Variants in FHIP1A observed in about 807,000 individuals in gnomAD.
FHIP1A encodes the protein FHF complex subunit HOOK interacting protein 1A.
In FHIP1A, 61 loss-of-function variants were observed where a neutral mutation model predicts 88.6. The ratio of observed to expected loss-of-function variants is 0.69; its 90% CI spans 0.56 to 0.85. The LOEUF (loss-of-function observed/expected upper bound fraction) is 0.85. Among genes scored for constraint, FHIP1A ranks in the 40% least tolerant of loss-of-function variants. The pLI is 0.00. For missense variants in FHIP1A, 1,154 were observed against 1,273.5 expected (o/e 0.91, Z 1.43); for synonymous variants, 478 against 496.0 (o/e 0.96, Z 0.48).
At chr4:151,487,244 T>C (rs950486091) in intron 3 of FHIP1A, among the ~76,000 whole-genome samples, 2 of 152,194 alleles carry the variant, frequency 1.3e-5, no homozygotes, top group African/African-American at 4.8e-5. Flanking sequence ...ATGTCATTCA[T>C]ATTTTTGTTT....
chr4:151,460,715 T>C (rs1358126575), intron 2 of FHIP1A, among the ~76,000 whole-genome samples: 1 of 152,246 alleles, frequency 6.6e-6, no homozygotes. Context: ...AATTGCCTGC[T>C]TAAAATTTTT....
At chr4:151,587,902 A>G (rs1028086723) in intron 6 of FHIP1A, among the ~76,000 whole-genome samples, 1 of 152,112 alleles carries the variant, frequency 6.6e-6, no homozygotes, top group Non-Finnish European at 1.5e-5. Context: ...GGAAATAAAA[A>G]AGATGGAACT....
intron 3 of FHIP1A, among the ~76,000 whole-genome samples, chr4:151,510,289 G>A (rs1730982235): frequency 6.6e-6 from 1 of 151,768 alleles, no homozygotes; most frequent in Non-Finnish European, 1.5e-5. Context: ...TCAATTTTTT[G>A]TAGAGATGGG....
chr4:151,495,324 G>A (rs564636677), intron 3 of FHIP1A, among the ~76,000 whole-genome samples: 7 of 152,070 alleles, frequency 4.6e-5, no homozygotes, highest in Admixed American at 6.5e-5. Context: ...CCAACATGGC[G>A]AAACTCCATC....
chr4:151,425,012 C>G (rs910903143), intron 1 of FHIP1A, among the ~76,000 whole-genome samples: 2 of 152,116 alleles, frequency 1.3e-5, no homozygotes, highest in African/African-American at 4.8e-5. Context: ...TGATGGGGAA[C>G]TTTATAGCTG....
chr4:151,650,259 A>G lies in FHIP1A; in HGVS notation c.2218A>G (p.Asn740Asp). ...TGCCCCTGAGGCAGAGCACAGCTCT[A>G]ACCTGACAGCCGCCCACCCGGAGAG... Reference protein sequence around the residue: ...SPAPEAEHSSNLTAAHPESEE... With the variant: ...SPAPEAEHSSDLTAAHPESEE... Residue 740 changes from asparagine (N) to aspartate (D), a missense_variant, in exon 11 of 14, where the codon AAC (asparagine) becomes GAC (aspartate). By Grantham distance (23) the Asn-to-Asp change is conservative (BLOSUM62 1). Transcript: ENST00000435205. 1 of 1,551,746 alleles carries G rather than the reference A, an allele frequency of 6.4e-7. No homozygotes were observed. The highest frequency in any genetic ancestry group is 8.7e-7 in the Non-Finnish European group (1 of 1,146,998).
At position 151,578,018 on chromosome 4, in the gene FHIP1A, T is replaced by C; in HGVS notation, c.674T>C (p.Leu225Pro). Reference sequence around the variant, plus strand: ...GATGCATTGCTCTTCATCATGTCTCTTTCTGCTGAGAACACCATGGTGGCC... The same window carrying C: ...GATGCATTGCTCTTCATCATGTCTCCTTCTGCTGAGAACACCATGGTGGCC... ...ARDALLFIMS[L>P]SAENTMVAHH... is the part of the protein sequence containing the mutation. Residue 225 changes from leucine (L) to proline (P), a missense_variant, in exon 5 of 14, where the codon CTT becomes CCT. Coordinates refer to ENST00000435205, the MANE Select transcript of FHIP1A (RefSeq NM_001109977.3). 1 of 1,551,304 alleles carries C rather than the reference T, an allele frequency of 6.4e-7. No homozygotes were observed.
At chr4:151,574,436 AAAGTT>A (rs747821623) in intron 4 of FHIP1A, among the ~76,000 whole-genome samples, 174 of 152,238 alleles carry the variant, frequency 1.1e-3, no homozygotes, top group Non-Finnish European at 1.8e-3. Context: ...AATATAAATG[AAAGTT>A]AATGAGAAAA....
At chr4:151,535,057 G>A (rs539124334) in intron 3 of FHIP1A, among the ~76,000 whole-genome samples, 24 of 152,120 alleles carry the variant, frequency 1.6e-4, no homozygotes, top group African/African-American at 5.8e-4. Flanking sequence ...TCTACAAAAA[G>A]TAAAAAAATC....
chr4:151,473,614 C>G (rs552072569), intron 2 of FHIP1A, among the ~76,000 whole-genome samples: 1 of 152,100 alleles, frequency 6.6e-6, no homozygotes, highest in Non-Finnish European at 1.5e-5. Flanking sequence ...TTTTACCTCT[C>G]TCTGTGTGAA....
rs573822285 is a variant in FHIP1A at position 151,528,130 on chromosome 4, G to C, written c.-122-38008G>C. On this transcript the variant is annotated intron_variant, in intron 3 of 13. Transcript: ENST00000435205. ...TACTTTGTCAATACAGCAGCTGCTT[G>C]GTTCTTTTGGTGACTGAAGGAAGAG... Among the ~76,000 whole-genome samples the C allele has an allele frequency of 3.1e-3, 478 of 152,278 alleles. 2 individuals are homozygous for C. The highest frequency in any genetic ancestry group is 0.011 in the African/African-American group (458 of 41,566).
rs17027764 is a variant in FHIP1A at position 151,662,454 on chromosome 4, T to G, written c.2870-47T>G. 10,309 of 1,466,152 alleles carry G rather than the reference T, an allele frequency of 7.0e-3. 546 individuals are homozygous for G. The African/African-American group carries it at 0.12, about 18-fold the overall frequency. The allele number at this position is 1,466,152 out of a possible 1,614,324, so 90.8% of individuals were successfully genotyped here. A position where few individuals can be genotyped will look rare whatever the true frequency, so the allele number is the denominator to read the frequency against. ...ACATGCTTCACTGAAGAGGGTGGAT[T>G]AGAAGGCTATGGAGGGACACCATGA... On this transcript the variant is annotated intron_variant, in intron 13 of 13. Coordinates refer to ENST00000435205, the MANE Select transcript of FHIP1A (RefSeq NM_001109977.3).
intron 2 of FHIP1A, among the ~76,000 whole-genome samples, chr4:151,475,939 G>T (rs1278501795): frequency 6.7e-6 from 1 of 148,994 alleles, no homozygotes; most frequent in African/African-American, 2.5e-5. Context: ...TTGGCTCACT[G>T]CAGCCTCCGC....
Position 151,566,187 on chromosome 4 carries a change from G to GA in FHIP1A, c.-70dup. The GA allele has an allele frequency of 1.2e-6, 1 of 865,748 alleles. No individual in the cohort carries two copies. Among genetic ancestry groups the GA allele is most frequent in the East Asian group, 2.9e-5 (1 of 34,570 alleles). 53.6% of individuals were successfully genotyped at this position (865,748 alleles called of 1,614,324 possible). On this transcript the variant is annotated 5_prime_UTR_variant, in exon 4 of 14. It removes the in-frame stop codon of an upstream open reading frame in the 5' UTR. Transcript: ENST00000435205. ...TGAAGAAGTTACATTTCTCAAACTT[G>GA]AAAGTTAGTGACGGCTTACCAAATT...
intron 3 of FHIP1A, among the ~76,000 whole-genome samples, chr4:151,517,196 G>A (rs62329060): frequency 0.25 from 37,832 of 151,532 alleles, 5,904 homozygotes; most frequent in Non-Finnish European, 0.35. Context: ...GTAAACTATC[G>A]CAAGAACAAA....
intron 3 of FHIP1A, among the ~76,000 whole-genome samples, chr4:151,495,523 A>G (rs958475141): frequency 2.6e-5 from 4 of 151,766 alleles, no homozygotes; most frequent in Non-Finnish European, 5.9e-5. Flanking sequence ...AGTAAAGAAA[A>G]GAAAAAAGAC....
At chr4:151,530,867 A>G (rs995016190) in intron 3 of FHIP1A, among the ~76,000 whole-genome samples, 1 of 152,176 alleles carries the variant, frequency 6.6e-6, no homozygotes, top group Non-Finnish European at 1.5e-5. Flanking sequence ...AGTGCATGGC[A>G]TATGGTAATG....
intron 7 of FHIP1A, among the ~76,000 whole-genome samples, chr4:151,601,172 A>T (rs1734852042): frequency 6.6e-6 from 1 of 152,170 alleles, no homozygotes; most frequent in African/African-American, 2.4e-5. Flanking sequence ...GAGTCAGGGG[A>T]ATAAATAACT....
chr4:151,580,374 T>C (rs1050782926), intron 5 of FHIP1A, among the ~76,000 whole-genome samples: 3 of 152,228 alleles, frequency 2.0e-5, no homozygotes, highest in African/African-American at 7.2e-5. Flanking sequence ...CAAGCGATGC[T>C]ATGTACTTAT....
Sources: gnomAD v4.1 joint callset for allele counts (sites outside exome capture counted in the v4.1 genomes callset) on GRCh38, gnomAD v4.1.1 for gene constraint, MANE v1.5 for transcripts, NCBI Gene and HGNC (gene_info 2026-07-23, HGNC 2026-07-21) for gene names.